MICAL3: variants seen among roughly 807,000 people sequenced by gnomAD.
MICAL3 encodes [F-actin]-monooxygenase MICAL3.
In MICAL3, 62 loss-of-function variants were observed where a neutral mutation model predicts 207.4. That is an observed-to-expected ratio of 0.30 (90% CI 0.24 to 0.37). The LOEUF is 0.37. Among genes scored for constraint, MICAL3 ranks in the 10% least tolerant of loss-of-function variants. The pLI is 1.00. For missense variants in MICAL3, 2,368 were observed against 2,635.6 expected (o/e 0.90, Z 2.22); for synonymous variants, 1,077 against 1,069.3 (o/e 1.01, Z -0.14).
At chr22:17,836,621 C>CA (rs1923400228) in intron 20 of MICAL3, among the ~76,000 whole-genome samples, 2 of 150,866 alleles carry the variant, frequency 1.3e-5, no homozygotes, top group South Asian at 4.2e-4. Context: ...AGGCTGCTGC[C>CA]AGGAACCACT....
At chr22:17,910,828 A>G (rs1404934731) in intron 1 of MICAL3, among the ~76,000 whole-genome samples, 1 of 151,958 alleles carries the variant, frequency 6.6e-6, no homozygotes, top group Non-Finnish European at 1.5e-5. Flanking sequence ...TACCGCCCCC[A>G]TTTCCCTCAT....
intron 1 of MICAL3, among the ~76,000 whole-genome samples, chr22:17,941,495 G>A (rs1422784976): frequency 6.6e-6 from 1 of 152,128 alleles, no homozygotes; most frequent in African/African-American, 2.4e-5. Flanking sequence ...AGGAGACAAG[G>A]GGTCCCCTGC....
chr22:17,824,577 T>C (rs1227701667), intron 22 of MICAL3, among the ~76,000 whole-genome samples: 2 of 152,196 alleles, frequency 1.3e-5, no homozygotes, highest in Admixed American at 1.3e-4. Context: ...AATCTAGTGT[T>C]TGAAGAACTG....
chr22:17,948,524 C>T (rs1934181176), intron 1 of MICAL3, among the ~76,000 whole-genome samples: 1 of 152,214 alleles, frequency 6.6e-6, no homozygotes, highest in Non-Finnish European at 1.5e-5. Context: ...AAGACACAGA[C>T]CCTGCTCCTC....
At position 17,875,195 on chromosome 22, in the gene MICAL3, G is replaced by A. The variant is rs573422557; in HGVS notation, c.2242-3172C>T. The A allele has an allele frequency of 2.0e-3, 543 of 266,942 alleles. 1 individual carries two copies. Among genetic ancestry groups the A allele is most frequent in the Middle Eastern group, 8.4e-3 (8 of 952 alleles). 16.5% of individuals were successfully genotyped at this position (266,942 alleles called of 1,614,324 possible). ...TATAGTTGAAATAGGATCAAAGCGGGTTCACATCAACAGACCTGGATGTGT... is the reference window on the plus strand; with the variant it reads ...TATAGTTGAAATAGGATCAAAGCGGATTCACATCAACAGACCTGGATGTGT... On this transcript the variant is annotated intron_variant, in intron 16 of 31. Coordinates refer to ENST00000441493, the MANE Select transcript of MICAL3 (RefSeq NM_015241.3).
chr22:17,803,804 T>C lies in MICAL3; in HGVS notation c.5650+5040A>G, dbSNP rs547254034. On this transcript the variant is annotated intron_variant, in intron 29 of 31. Transcript: ENST00000441493. ...GTTAGTGTCAGCACAGGCGCTGCCATACATACCACCCAGATGCAAGTCGAT... is the reference window on the plus strand; with the variant it reads ...GTTAGTGTCAGCACAGGCGCTGCCACACATACCACCCAGATGCAAGTCGAT... 6.2e-5 allele frequency: 61 copies of C among 985,568 alleles called. No individual in the cohort carries two copies. In the African/African-American group the frequency reaches 9.8e-4, roughly 16 times the overall value. 61.1% of individuals were successfully genotyped at this position (985,568 alleles called of 1,614,324 possible).
At chr22:17,913,228 T>G (rs1028171847) in intron 1 of MICAL3, among the ~76,000 whole-genome samples, 3 of 152,082 alleles carry the variant, frequency 2.0e-5, no homozygotes, top group African/African-American at 7.2e-5. Flanking sequence ...GCAAGGACAT[T>G]ATTTAAATGT....
chr22:17,988,645 C>T (rs1921307404), intron 1 of MICAL3, among the ~76,000 whole-genome samples: 1 of 151,892 alleles, frequency 6.6e-6, no homozygotes, highest in South Asian at 2.1e-4. Flanking sequence ...TTAGTAGAGA[C>T]GGGGGTTTCA....
intron 1 of MICAL3, among the ~76,000 whole-genome samples, chr22:17,966,233 C>T (rs893915707): frequency 6.6e-5 from 10 of 152,252 alleles, no homozygotes; most frequent in Admixed American, 3.3e-4. Flanking sequence ...AGCTTCATCC[C>T]ACTTTCCCTG....
intron 1 of MICAL3, among the ~76,000 whole-genome samples, chr22:18,019,018 C>T (rs868802921): frequency 3.9e-5 from 6 of 152,018 alleles, no homozygotes; most frequent in Admixed American, 2.6e-4. Context: ...ATGGCGAAAC[C>T]CTGTCTGTAC....
intron 13 of MICAL3, among the ~76,000 whole-genome samples, 176 bp from the exon 14 acceptor site, chr22:17,887,611 T>A (rs1030714034): frequency 2.0e-5 from 3 of 152,198 alleles, no homozygotes; most frequent in African/African-American, 7.2e-5. Flanking sequence ...AATGCATACT[T>A]GGGTATGGAC....
At chr22:17,790,946 G>A (rs2061817779) in intron 31 of MICAL3, 30 bp from the exon 32 acceptor site, 1 of 1,613,136 alleles carries the variant, frequency 6.2e-7, no homozygotes, top group Non-Finnish European at 8.5e-7. Context: ...TGAGGTGAGG[G>A]GCCTGGAGGT....
At chr22:18,005,284 T>C (rs1269496790) in intron 1 of MICAL3, 1 of 152,170 alleles carries the variant, frequency 6.6e-6, no homozygotes, top group Non-Finnish European at 1.5e-5. Context: ...ATAATATCAT[T>C]TCAGTCTCAA....
intron 1 of MICAL3, among the ~76,000 whole-genome samples, chr22:17,918,443 G>A (rs5747417): frequency 0.63 from 95,505 of 151,944 alleles, 30,416 homozygotes; most frequent in South Asian, 0.7. Context: ...AAGAGTGACA[G>A]TTTTCCACAT....
chr22:17,818,824 G>A lies in MICAL3; in HGVS notation c.3837C>T (p.Pro1279=), dbSNP rs1184387059. The A allele has an allele frequency of 6.4e-7, 1 of 1,560,600 alleles. No individual in the cohort carries two copies. The highest frequency in any genetic ancestry group is 8.7e-7 in the Non-Finnish European group (1 of 1,149,476). The stretch of plus-strand genomic sequence containing the variant: ...TGGCCGGGGCAGGCTGGAAGCGTAT[G>A]GGGGACTGGGTAGGGGATGGGACAG... ...EATVPSPTQS[P]IRFQPAPAKT... The change falls in exon 26 of 32, where the codon CCC becomes CCT. Residue 1279 remains proline (P), a synonymous_variant. Coordinates refer to ENST00000441493, the MANE Select transcript of MICAL3 (RefSeq NM_015241.3).
chr22:17,957,195 C>T (rs935140824), intron 1 of MICAL3, among the ~76,000 whole-genome samples: 6 of 152,132 alleles, frequency 3.9e-5, no homozygotes, highest in Non-Finnish European at 7.4e-5. Context: ...GAACTCTCAC[C>T]TGTCAATCCA....
chr22:17,853,050 A>C (rs1312845790), intron 19 of MICAL3, among the ~76,000 whole-genome samples: 1 of 150,738 alleles, frequency 6.6e-6, no homozygotes, highest in Admixed American at 6.6e-5. Context: ...ACTCCACCCT[A>C]GGTGACAGAG....
intron 19 of MICAL3, among the ~76,000 whole-genome samples, chr22:17,851,544 T>A (rs948171822): frequency 2.2e-4 from 33 of 151,838 alleles, no homozygotes; most frequent in Admixed American, 7.9e-4. Context: ...GGATAAAGAG[T>A]TCTAATCCTC....
At chr22:17,797,440 G>A (rs2061888349) in intron 29 of MICAL3, among the ~76,000 whole-genome samples, 1 of 152,178 alleles carries the variant, frequency 6.6e-6, no homozygotes, top group African/African-American at 2.4e-5. Context: ...GCTGCAGAGA[G>A]CCGTGACTGC....
Sources: gnomAD v4.1 joint callset for allele counts (sites outside exome capture counted in the v4.1 genomes callset) on GRCh38, gnomAD v4.1.1 for gene constraint, MANE v1.5 for transcripts, NCBI Gene and HGNC (gene_info 2026-07-23, HGNC 2026-07-21) for gene names.